COL24A1: variants seen among roughly 807,000 people sequenced by gnomAD.
COL24A1 encodes the protein collagen type XXIV alpha 1 chain.
In COL24A1, 224 loss-of-function variants were observed where a neutral mutation model predicts 253.9. The observed-to-expected ratio is 0.88, with a 90% CI of 0.79 to 0.99. The LOEUF (loss-of-function observed/expected upper bound fraction) is 0.99. Ranked by LOEUF, COL24A1 falls within the 50% of genes least tolerant of loss-of-function variation. COL24A1 has a pLI of 0.00. For missense variants in COL24A1, 2,131 were observed against 2,068.5 expected, an observed-to-expected ratio of 1.03 and a Z score of -0.59; for synonymous variants, 685 against 673.7, an observed-to-expected ratio of 1.02 and a Z score of -0.26.
chr1:86,022,156 C>T, intron 18 of COL24A1, 84 bp downstream of exon 18: 1 of 1,177,350 alleles, frequency 8.5e-7, no homozygotes, highest in Non-Finnish European at 1.3e-6. Flanking sequence ...AGGCTTATAC[C>T]CTACTTAGAT....
chr1:85,985,029 AGTT>A (rs1693598769), intron 20 of COL24A1, among the ~76,000 whole-genome samples: 1 of 151,938 alleles, frequency 6.6e-6, no homozygotes, highest in South Asian at 2.1e-4. Flanking sequence ...TCCATATTAT[AGTT>A]ATTATGATGT....
chr1:85,920,622 T>C (rs1224028282), intron 24 of COL24A1, among the ~76,000 whole-genome samples: 1 of 151,668 alleles, frequency 6.6e-6, no homozygotes, highest in African/African-American at 2.4e-5. Context: ...TGTGTAGAAA[T>C]GGGAAAAATA....
intron 24 of COL24A1, among the ~76,000 whole-genome samples, chr1:85,934,970 C>T (rs1222908932): frequency 6.6e-6 from 1 of 151,628 alleles, no homozygotes; most frequent in Non-Finnish European, 1.5e-5. Flanking sequence ...AAACACCAAG[C>T]ATTTAGCTAG....
At chr1:86,047,588 A>G (rs1306782233) in intron 11 of COL24A1, among the ~76,000 whole-genome samples, 1 of 152,158 alleles carries the variant, frequency 6.6e-6, no homozygotes, top group African/African-American at 2.4e-5. Context: ...TTATTTATAA[A>G]GAAGTTAATT....
intron 20 of COL24A1, among the ~76,000 whole-genome samples, chr1:85,972,403 TAA>T (rs1553247176): frequency 2.0e-5 from 3 of 152,156 alleles, no homozygotes; most frequent in Non-Finnish European, 4.4e-5. Context: ...TCTGTCAGTT[TAA>T]AAGTCTATAA....
At chr1:85,992,192 G>A (rs996938849) in intron 19 of COL24A1, among the ~76,000 whole-genome samples, 5 of 151,822 alleles carry the variant, frequency 3.3e-5, no homozygotes, top group Admixed American at 6.6e-5. Context: ...TCGTCCTTGC[G>A]ATAGTTTGCT....
chr1:85,987,701 A>C (rs1423761890), intron 19 of COL24A1, 47 bp from the exon 20 acceptor site: 2 of 1,514,924 alleles, frequency 1.3e-6, no homozygotes, highest in Non-Finnish European at 9.0e-7. Flanking sequence ...AAATTACTTT[A>C]AATCCATTTA....
In COL24A1 at chr1:86,059,165, C is replaced by G; in HGVS notation, c.1762G>C (p.Gly588Arg). The G allele has an allele frequency of 6.2e-7, 1 of 1,610,364 alleles. No homozygotes were observed. The highest frequency in any genetic ancestry group is 8.5e-7 in the Non-Finnish European group (1 of 1,177,838). Reference sequence around the variant, plus strand: ...GGTGAACCAATATTACCAGCAAATCCTGGAATTCCCTGAAATAATAAATAA... The same window carrying G: ...GGTGAACCAATATTACCAGCAAATCGTGGAATTCCCTGAAATAATAAATAA... ...PGLPGEQGIP[G>R]FAGNIGSPGY... Residue 588 changes from glycine to arginine, a missense_variant, in exon 9 of 60, where the codon GGA becomes CGA. By Grantham distance (125) the Gly-to-Arg change is moderately radical. Coordinates refer to ENST00000370571, the MANE Select transcript of COL24A1 (RefSeq NM_152890.7).
chr1:85,827,169 A>T (rs1356563163), intron 43 of COL24A1, among the ~76,000 whole-genome samples: 1 of 151,522 alleles, frequency 6.6e-6, no homozygotes, highest in African/African-American at 2.4e-5. Context: ...CCTTTTCTGC[A>T]TCTATTGAGA....
At chr1:85,887,682 ACGTACTT>A (rs989576811) in intron 32 of COL24A1, among the ~76,000 whole-genome samples, 3 of 152,142 alleles carry the variant, frequency 2.0e-5, no homozygotes, top group African/African-American at 7.2e-5. Context: ...CTTTATGCCT[ACGTACTT>A]CTAAGGGGAT....
intron 37 of COL24A1, among the ~76,000 whole-genome samples, chr1:85,856,683 C>T (rs2102395957): frequency 6.6e-6 from 1 of 152,306 alleles, no homozygotes; most frequent in East Asian, 1.9e-4. Context: ...TTTCCTCCTA[C>T]TCTTCCCCAC....
intron 47 of COL24A1, among the ~76,000 whole-genome samples, chr1:85,798,330 T>G (rs1376498397): frequency 6.6e-6 from 1 of 152,086 alleles, no homozygotes; most frequent in Admixed American, 6.6e-5. Context: ...ACTTTGTTGC[T>G]CTGGAAGAGT....
Position 85,823,753 on chromosome 1 carries a change from G to T in COL24A1, c.3682-15C>A. 6.2e-7 allele frequency: 1 copy of T among 1,611,528 alleles called. No homozygotes were observed. Among genetic ancestry groups the T allele is most frequent in the Non-Finnish European group, 8.5e-7 (1 of 1,178,028 alleles). On this transcript the variant is annotated splice_polypyrimidine_tract_variant and intron_variant, in intron 43 of 59. Coordinates refer to ENST00000370571, the MANE Select transcript of COL24A1 (RefSeq NM_152890.7). ...CCCACATGGCCCTAGAAATAGAAAA[G>T]ATTACATTATTAGAGTAAGTAGAGA...
At chr1:86,014,700 C>T (rs987599293) in intron 19 of COL24A1, among the ~76,000 whole-genome samples, 1 of 151,906 alleles carries the variant, frequency 6.6e-6, no homozygotes, top group African/African-American at 2.4e-5. Flanking sequence ...CCTTTTATTC[C>T]TCTCTCTTAC....
intron 24 of COL24A1, among the ~76,000 whole-genome samples, chr1:85,952,719 C>T (rs557031903): frequency 6.6e-5 from 10 of 152,210 alleles, no homozygotes; most frequent in Admixed American, 2.6e-4. Flanking sequence ...TATGTATTCT[C>T]GATGGCTGCT....
intron 42 of COL24A1, among the ~76,000 whole-genome samples, chr1:85,839,275 A>T (rs976177223): frequency 1.1e-4 from 17 of 152,222 alleles, no homozygotes; most frequent in African/African-American, 3.6e-4. Context: ...AATGATGCCC[A>T]AATAACTTAC....
Position 86,057,934 on chromosome 1 carries a change from T to G in COL24A1, c.1848A>C (p.Ala616=). 6.2e-7 allele frequency: 1 copy of G among 1,612,800 alleles called. No individual in the cohort carries two copies. ...AATGATGGAAATGCCTACTTACTTGTGCACCTTTAGGACCTGGATTACCTT... is the reference window on the plus strand; with the variant it reads ...AATGATGGAAATGCCTACTTACTTGGGCACCTTTAGGACCTGGATTACCTT... ...GPEGNPGPKG[A]QGFIGSPGEA... Residue 616 remains alanine (A), a synonymous_variant, in exon 10 of 60, where the codon GCA becomes GCC. Transcript: ENST00000370571.
rs140539747 is a variant in COL24A1 at position 86,089,710 on chromosome 1, C to T, written c.1654-483G>A. ...TGTCGGGCACCTGTAATCCCACCTA[C>T]TCAGGAGGCTGAGGCCGGAAAATCA... On this transcript the variant is annotated intron_variant, in intron 6 of 59. Transcript: ENST00000370571. Among the ~76,000 whole-genome samples the T allele has an allele frequency of 8.8e-3, 1,336 of 152,244 alleles. 18 individuals are homozygous for T. The highest frequency in any genetic ancestry group is 0.044 in the South Asian group (212 of 4,820).
At chr1:85,941,756 GCTTA>G (rs1180233069) in intron 24 of COL24A1, among the ~76,000 whole-genome samples, 7 of 152,154 alleles carry the variant, frequency 4.6e-5, no homozygotes, top group Admixed American at 4.6e-4. Flanking sequence ...ACCACTCAGA[GCTTA>G]CTTTATTTTT....
Sources: allele counts gnomAD v4.1 joint callset (sites outside exome capture counted in the v4.1 genomes callset), GRCh38; gene constraint gnomAD v4.1.1; transcripts MANE v1.5; gene names NCBI Gene and HGNC (gene_info 2026-07-23, HGNC 2026-07-21).